The following TTLL5 variants were observed in gnomAD, a reference collection of about 807,000 sequenced individuals.
TTLL5 encodes tubulin polyglutamylase TTLL5.
Under a neutral mutation model 168.4 loss-of-function variants are expected in TTLL5, and 132 were observed. That is an observed-to-expected ratio of 0.78 (90% confidence interval 0.68 to 0.91). The LOEUF is 0.91. TTLL5 is among the 40% of genes least tolerant of loss of function. TTLL5 has a pLI of 0.00. For synonymous variants in TTLL5, 546 were observed against 558.6 expected, an observed-to-expected ratio of 0.98 and a Z score of 0.32; for missense variants, 1,545 against 1,581.5, an observed-to-expected ratio of 0.98 and a Z score of 0.39.
intron 30 of TTLL5, among the ~76,000 whole-genome samples, chr14:75,885,984 G>A (rs2032096245): frequency 1.3e-5 from 2 of 152,148 alleles, no homozygotes; most frequent in South Asian, 4.1e-4. Flanking sequence ...GGATCTTACT[G>A]TGGCCTTTAC....
intron 28 of TTLL5, among the ~76,000 whole-genome samples, chr14:75,855,565 A>G (rs1169909885): frequency 2.0e-5 from 3 of 152,234 alleles, no homozygotes; most frequent in African/African-American, 4.8e-5. Context: ...GATGGAGTTC[A>G]GGATAACCAC....
chr14:75,919,220 AAGG>A (rs1218055942), intron 31 of TTLL5, among the ~76,000 whole-genome samples: 55 of 143,776 alleles, frequency 3.8e-4, no homozygotes, highest in African/African-American at 5.6e-4. Context: ...AAAAAAAAAA[AAGG>A]AAAAAGAAAA....
intron 18 of TTLL5, among the ~76,000 whole-genome samples, chr14:75,762,871 T>C (rs759739633): frequency 5.3e-5 from 8 of 152,214 alleles, no homozygotes; most frequent in Non-Finnish European, 1.0e-4. Flanking sequence ...ATGTAGACAA[T>C]ATAAACTCTT....
At chr14:75,688,563 G>A (rs1885229604) in intron 5 of TTLL5, among the ~76,000 whole-genome samples, 1 of 152,212 alleles carries the variant, frequency 6.6e-6, no homozygotes, top group African/African-American at 2.4e-5. Context: ...CCTATTTATA[G>A]CCAGGTGGTT....
Position 75,882,729 on chromosome 14 carries a change from A to G in TTLL5, c.3567A>G (p.Thr1189=). ...SQTLPNSNLW[T]MNNGAGCRIS... is the part of the protein sequence containing the mutation. The stretch of plus-strand genomic sequence containing the variant: ...CACTACCTAACTCCAATTTATGGAC[A>G]ATGAATAATGGTGCAGGTTGTAGAA... The change falls in exon 30 of 32, where the codon ACA becomes ACG. Residue 1189 remains threonine (T), a synonymous_variant. Transcript: ENST00000298832. 6.2e-7 allele frequency: 1 copy of G among 1,613,906 alleles called. No individual in the cohort carries two copies. The highest frequency in any genetic ancestry group is 8.5e-7 in the Non-Finnish European group (1 of 1,179,944).
chr14:75,941,246 G>C (rs961823165), intron 31 of TTLL5, among the ~76,000 whole-genome samples: 1 of 152,198 alleles, frequency 6.6e-6, no homozygotes, highest in African/African-American at 2.4e-5. Flanking sequence ...CCCAGGCAAG[G>C]TTTCATGAAA....
Position 75,693,372 on chromosome 14 carries a change from C to G in TTLL5, c.502+3050C>G, listed in dbSNP as rs561627735. Reference sequence around the variant, plus strand: ...TGGACATGAGGATTGCCTAAAAACACTAGAGACACCAGCCAAGGTGATCTC... The same window carrying G: ...TGGACATGAGGATTGCCTAAAAACAGTAGAGACACCAGCCAAGGTGATCTC... On this transcript the variant is annotated intron_variant, in intron 6 of 31. Coordinates refer to ENST00000298832, the MANE Select transcript of TTLL5 (RefSeq NM_015072.5). 3.9e-5 allele frequency among the ~76,000 whole-genome samples: 6 copies of G among 152,282 alleles called. No individual in the cohort carries two copies. The South Asian group carries it at 1.2e-3, about 32-fold the overall frequency.
At chr14:75,704,125 A>G (rs1447017941) in intron 7 of TTLL5, among the ~76,000 whole-genome samples, 7 of 152,238 alleles carry the variant, frequency 4.6e-5, no homozygotes, top group Admixed American at 3.3e-4. Context: ...TAAGTGGTAG[A>G]GTCAAGGTTG....
rs1382037265 is a variant in TTLL5 at position 75,752,791 on chromosome 14, A to G, written c.1488-102A>G. 1.2e-5 allele frequency: 13 copies of G among 1,062,088 alleles called. No individual in the cohort carries two copies. In the East Asian group the frequency reaches 1.7e-4, roughly 14 times the overall value. The allele number at this position is 1,062,088 out of a possible 1,614,324, so 65.8% of individuals were successfully genotyped here. On this transcript the variant is annotated intron_variant, in intron 17 of 31. Coordinates refer to ENST00000298832, the MANE Select transcript of TTLL5 (RefSeq NM_015072.5). ...CAGTATGTTTCATTAAAAACAGTAT[A>G]TAAGTACCCCTGTTATTTCTGTGCT...
At chr14:75,791,948 A>G (rs1366338595) in intron 26 of TTLL5, among the ~76,000 whole-genome samples, 6 of 151,942 alleles carry the variant, frequency 3.9e-5, no homozygotes, top group Admixed American at 3.3e-4. Context: ...TCTTTCTGTC[A>G]CACAGGCTGG....
At position 75,756,588 on chromosome 14, in the gene TTLL5, ACCT is replaced by A. The variant is rs534100900; in HGVS notation, c.1550+3640_1550+3642del. On this transcript the variant is annotated intron_variant, in intron 18 of 31. Coordinates refer to ENST00000298832, the MANE Select transcript of TTLL5 (RefSeq NM_015072.5). Reference sequence around the variant, plus strand: ...AGTGGCGCAATCTCGGCTCACTGCAACCTCCTCCTTCTGGGTTCAAGTGATTCT... The same window carrying A: ...AGTGGCGCAATCTCGGCTCACTGCAACCTCCTTCTGGGTTCAAGTGATTCT... Among the ~76,000 whole-genome samples, 616 of 151,592 alleles carry A rather than the reference ACCT, an allele frequency of 4.1e-3. 4 individuals are homozygous for A. The highest frequency in any genetic ancestry group is 0.014 in the African/African-American group (597 of 41,290).
intron 28 of TTLL5, among the ~76,000 whole-genome samples, chr14:75,824,389 A>G (rs186181269): frequency 2.7e-5 from 4 of 147,666 alleles, no homozygotes; most frequent in Admixed American, 6.7e-5. Context: ...GGGATAGACA[A>G]TTTGAAGAAA....
intron 31 of TTLL5, among the ~76,000 whole-genome samples, chr14:75,926,068 C>T (rs1192035954): frequency 7.1e-6 from 1 of 141,160 alleles, no homozygotes; most frequent in Non-Finnish European, 1.5e-5. Flanking sequence ...GACCGTGGGC[C>T]GTGGGCCGTG....
At chr14:75,877,915 C>G (rs1251079417) in intron 29 of TTLL5, among the ~76,000 whole-genome samples, 1 of 152,162 alleles carries the variant, frequency 6.6e-6, no homozygotes, top group East Asian at 1.9e-4. Flanking sequence ...TGAGTGTGTT[C>G]CTGGGTTTCT....
At chr14:75,680,141 G>A (rs973420341) in intron 3 of TTLL5, among the ~76,000 whole-genome samples, 2 of 152,196 alleles carry the variant, frequency 1.3e-5, no homozygotes, top group Non-Finnish European at 2.9e-5. Flanking sequence ...AACTTTTTCA[G>A]TTAGTAGTGG....
intron 31 of TTLL5, among the ~76,000 whole-genome samples, chr14:75,925,761 A>G (rs1188110418): frequency 1.3e-5 from 2 of 152,142 alleles, no homozygotes; most frequent in Admixed American, 1.3e-4. Context: ...CCTGGGCACC[A>G]TTGAGCACTG....
intron 28 of TTLL5, among the ~76,000 whole-genome samples, chr14:75,823,274 T>C (rs1371506886): frequency 6.6e-6 from 1 of 152,208 alleles, no homozygotes; most frequent in East Asian, 1.9e-4. Flanking sequence ...TTGGGGTACA[T>C]GGGAAGTCAT....
At chr14:75,804,426 C>T (rs1020759394) in intron 27 of TTLL5, among the ~76,000 whole-genome samples, 4 of 152,178 alleles carry the variant, frequency 2.6e-5, no homozygotes, top group Admixed American at 6.5e-5. Flanking sequence ...TGAAGAGAGA[C>T]GGAGCTAAAT....
chr14:75,925,830 C>T (rs2034034795), intron 31 of TTLL5, among the ~76,000 whole-genome samples: 1 of 152,058 alleles, frequency 6.6e-6, no homozygotes, highest in Non-Finnish European at 1.5e-5. Flanking sequence ...TGGCGGATCA[C>T]TCGCGGTTAG....
Sources: gnomAD v4.1 joint callset for allele counts (sites outside exome capture counted in the v4.1 genomes callset) on GRCh38, gnomAD v4.1.1 for gene constraint, MANE v1.5 for transcripts, NCBI Gene and HGNC (gene_info 2026-07-23, HGNC 2026-07-21) for gene names.